The following CDH23 variants were observed in gnomAD, a reference collection of about 807,000 sequenced individuals.
CDH23 encodes cadherin related 23, also known as cadherin-23.
CDH23 carries 189 observed loss-of-function variants against 317.1 expected under a neutral mutation model. The observed-to-expected ratio is 0.60, with a 90% CI of 0.53 to 0.67. The LOEUF is 0.67. Ranked by LOEUF, CDH23 falls within the 30% of genes least tolerant of loss-of-function variation. CDH23 has a pLI of 0.00. For missense variants in CDH23, 4,401 were observed against 4,592.4 expected (o/e 0.96, Z 1.20); for synonymous variants, 1,839 against 1,876.8 (o/e 0.98, Z 0.52).
intron 3 of CDH23, among the ~76,000 whole-genome samples, chr10:71,494,427 TCAGG>T (rs909581466): frequency 5.9e-5 from 9 of 152,060 alleles, no homozygotes; most frequent in African/African-American, 2.2e-4. Context: ...GTATATGGGG[TCAGG>T]CAGTCCTGAA....
intron 6 of CDH23, among the ~76,000 whole-genome samples, chr10:71,528,640 G>A (rs9971128): frequency 0.17 from 25,818 of 152,278 alleles, 3,647 homozygotes; most frequent in African/African-American, 0.39. Flanking sequence ...TGAGGTGCCC[G>A]GGCCTCCGCA....
chr10:71,443,714 C>T (rs74396089), intron 2 of CDH23, among the ~76,000 whole-genome samples: 10 of 152,298 alleles, frequency 6.6e-5, no homozygotes, highest in African/African-American at 2.2e-4. Context: ...CTCCTTCCCC[C>T]GAAGAAATCA....
At chr10:71,488,633 G>T (rs192566869) in intron 3 of CDH23, among the ~76,000 whole-genome samples, 14 of 152,324 alleles carry the variant, frequency 9.2e-5, no homozygotes, top group Admixed American at 3.3e-4. Context: ...TTGCAAACAT[G>T]AATTTCCAGT....
intron 9 of CDH23, among the ~76,000 whole-genome samples, chr10:71,606,924 C>A (rs571771655): frequency 6.6e-6 from 1 of 152,112 alleles, no homozygotes; most frequent in Non-Finnish European, 1.5e-5. Context: ...AGCAGACTCT[C>A]GGCAGGCTGG....
intron 32 of CDH23, among the ~76,000 whole-genome samples, chr10:71,733,052 T>C (rs1839442630): frequency 6.6e-6 from 1 of 151,158 alleles, no homozygotes. Flanking sequence ...TCTAGGTTGT[T>C]TGACCCATGC....
chr10:71,472,121 G>A lies in CDH23; in HGVS notation c.145+25726G>A, dbSNP rs532054965. On this transcript the variant is annotated intron_variant, in intron 3 of 69. Coordinates refer to ENST00000224721, the MANE Select transcript of CDH23 (RefSeq NM_022124.6). ...TCTTGGCCACCTCCAGCCCTGCTCC[G>A]AGTGGCGGGGAGCTGACCCCATGGG... is the stretch of plus-strand genomic sequence containing the variant. 9.9e-4 allele frequency among the ~76,000 whole-genome samples: 151 copies of A among 152,266 alleles called. No homozygotes were observed. The Middle Eastern group carries it at 0.014, about 14-fold the overall frequency.
chr10:71,724,328 T>G (rs1866710567), intron 29 of CDH23, among the ~76,000 whole-genome samples: 1 of 152,224 alleles, frequency 6.6e-6, no homozygotes. Context: ...AGTCTCCCTC[T>G]GTCGCCCAGG....
At chr10:71,594,482 T>A (rs1859710402) in intron 9 of CDH23, among the ~76,000 whole-genome samples, 1 of 152,210 alleles carries the variant, frequency 6.6e-6, no homozygotes, top group Non-Finnish European at 1.5e-5. Context: ...CAAGCAATTC[T>A]CCTGCCTCAG....
At chr10:71,789,654 C>T (rs1000084384) in intron 45 of CDH23, among the ~76,000 whole-genome samples, 2 of 152,188 alleles carry the variant, frequency 1.3e-5, no homozygotes, top group Admixed American at 1.3e-4. Context: ...TGTGTGTATG[C>T]TCACACATGT....
intron 6 of CDH23, among the ~76,000 whole-genome samples, chr10:71,539,266 G>A (rs1415146061): frequency 6.6e-6 from 1 of 152,138 alleles, no homozygotes; most frequent in Non-Finnish European, 1.5e-5. Flanking sequence ...TGCAGCCCCA[G>A]CCTAGGACCC....
chr10:71,792,946 AT>A (rs1254297641), intron 47 of CDH23, among the ~76,000 whole-genome samples: 5 of 149,288 alleles, frequency 3.3e-5, no homozygotes, highest in African/African-American at 1.2e-4. Flanking sequence ...AAAGCAGACC[AT>A]TTGCAGAAGA....
At chr10:71,571,545 G>A (rs1279507249) in intron 8 of CDH23, among the ~76,000 whole-genome samples, 1 of 152,218 alleles carries the variant, frequency 6.6e-6, no homozygotes, top group African/African-American at 2.4e-5. Flanking sequence ...GACAAAACAT[G>A]CCTCGGCCCA....
chr10:71,639,185 T>C (rs184177814), intron 11 of CDH23, among the ~76,000 whole-genome samples: 51 of 152,278 alleles, frequency 3.3e-4, no homozygotes, highest in African/African-American at 1.2e-3. Context: ...ATCGCCTCTC[T>C]CAGCTGGAGG....
chr10:71,465,124 G>A (rs867035229), intron 3 of CDH23, among the ~76,000 whole-genome samples: 5 of 152,220 alleles, frequency 3.3e-5, no homozygotes, highest in Admixed American at 6.5e-5. Flanking sequence ...ATTAAATAAC[G>A]TAGAGTTAAC....
chr10:71,582,919 G>T (rs974021327), intron 9 of CDH23, among the ~76,000 whole-genome samples: 1 of 152,216 alleles, frequency 6.6e-6, no homozygotes, highest in African/African-American at 2.4e-5. Flanking sequence ...GGAGGCACAA[G>T]ATATGCTGAT....
intron 38 of CDH23, among the ~76,000 whole-genome samples, chr10:71,757,213 A>G (rs1840172458): frequency 6.6e-6 from 1 of 152,238 alleles, no homozygotes. Context: ...CTAGTAAGCA[A>G]CATTTTGTGA....
Position 71,615,628 on chromosome 10 carries a change from G to A in CDH23, c.945+12G>A, listed in dbSNP as rs368487424. 5.8e-5 allele frequency: 92 copies of A among 1,595,224 alleles called. No homozygotes were observed. In the African/African-American group the frequency reaches 1.1e-3, roughly 19 times the overall value. On this transcript the variant is annotated intron_variant, in intron 10 of 69. Transcript: ENST00000224721. ...TCCTGACTGTGAAGGTGAGACCTGGGTGGGCACCTTCACCCCAGGTAGAGG... is the reference window on the plus strand; with the variant it reads ...TCCTGACTGTGAAGGTGAGACCTGGATGGGCACCTTCACCCCAGGTAGAGG...
intron 14 of CDH23, among the ~76,000 whole-genome samples, chr10:71,674,245 C>G (rs1864265963): frequency 6.6e-6 from 1 of 152,142 alleles, no homozygotes; most frequent in Non-Finnish European, 1.5e-5. Context: ...CACAAATTAG[C>G]TTTTCCTTGA....
intron 6 of CDH23, among the ~76,000 whole-genome samples, chr10:71,537,074 A>T (rs532471798): frequency 6.6e-6 from 1 of 152,038 alleles, no homozygotes; most frequent in Non-Finnish European, 1.5e-5. Flanking sequence ...CTGACCCTCC[A>T]ACTGCTCCCC....
Sources: allele counts gnomAD v4.1 joint callset (sites outside exome capture counted in the v4.1 genomes callset), GRCh38; gene constraint gnomAD v4.1.1; transcripts MANE v1.5; gene names NCBI Gene and HGNC (gene_info 2026-07-23, HGNC 2026-07-21).